OPHN1: variants seen among roughly 807,000 people sequenced by gnomAD.
OPHN1 encodes the protein oligophrenin 1, also known as oligophrenin-1.
OPHN1 carries 11 observed loss-of-function variants against 60.7 expected under a neutral mutation model. The observed-to-expected ratio is 0.18, with a 90% CI of 0.11 to 0.30. The LOEUF is 0.30. OPHN1 is among the 10% of genes least tolerant of loss of function. The pLI is 1.00. For missense variants in OPHN1, 449 were observed against 611.0 expected (o/e 0.73, Z 2.80); for synonymous variants, 226 against 222.6 (o/e 1.02, Z -0.14).
At chrX:68,279,176 A>G (rs1242756924) in intron 4 of OPHN1, among the ~76,000 whole-genome samples, 1 of 78,560 alleles carries the variant, frequency 1.3e-5, no homozygotes, top group African/African-American at 5.3e-5. Flanking sequence ...CAGTGGCATG[A>G]TCATGGCTCA....
intron 2 of OPHN1, among the ~76,000 whole-genome samples, chrX:68,362,217 T>C (rs1176705988): frequency 8.9e-6 from 1 of 112,038 alleles, no homozygotes; most frequent in Non-Finnish European, 1.9e-5. Flanking sequence ...ATCCTGACAT[T>C]TGCAACACAG....
At chrX:68,102,027 GTCT>G (rs1191951831) in intron 18 of OPHN1, 1 of 112,181 alleles carries the variant, frequency 8.9e-6, no homozygotes, top group Non-Finnish European at 1.9e-5. Flanking sequence ...AGGACAATTG[GTCT>G]TCTCTTGTTG....
At chrX:68,113,551 T>C (rs2147433007) in intron 16 of OPHN1, among the ~76,000 whole-genome samples, 1 of 110,859 alleles carries the variant, frequency 9.0e-6, no homozygotes, top group East Asian at 2.9e-4. Context: ...CCCTTACGAT[T>C]TGATAGATCC....
intron 23 of OPHN1, 127 bp from the exon 24 acceptor site, chrX:68,048,584 G>T: frequency 1.8e-6 from 1 of 563,061 alleles, no homozygotes; most frequent in Non-Finnish European, 3.0e-6. Context: ...AAGTGATTCA[G>T]CCCAGATGTT....
intron 18 of OPHN1, chrX:68,101,948 GAAGTA>G (rs1267633301): frequency 1.8e-5 from 2 of 111,934 alleles, no homozygotes; most frequent in African/African-American, 6.5e-5. Flanking sequence ...AAACATACAA[GAAGTA>G]GAGTAATTAG....
intron 19 of OPHN1, among the ~76,000 whole-genome samples, chrX:68,086,158 G>A (rs1244585139): frequency 2.0e-5 from 2 of 99,764 alleles, no homozygotes; most frequent in Non-Finnish European, 4.1e-5. Context: ...CAAACTGGGT[G>A]GCAGAAGTGG....
chrX:68,204,983 C>T (rs937665533), intron 10 of OPHN1, among the ~76,000 whole-genome samples: 1 of 111,962 alleles, frequency 8.9e-6, no homozygotes, highest in Non-Finnish European at 1.9e-5. Context: ...GACTGCAGGC[C>T]AGTGTTGCTT....
chrX:68,188,872 G>T (rs1332241622), intron 15 of OPHN1, among the ~76,000 whole-genome samples: 1 of 112,166 alleles, frequency 8.9e-6, no homozygotes, highest in Admixed American at 9.5e-5. Flanking sequence ...ATGACTGTAT[G>T]CATATTCCTA....
intron 15 of OPHN1, among the ~76,000 whole-genome samples, chrX:68,163,797 A>G (rs1007390261): frequency 1.8e-5 from 2 of 110,899 alleles, no homozygotes; most frequent in Non-Finnish European, 3.8e-5. Context: ...TGTGACGTGT[A>G]TCTCATTGTG....
At chrX:68,295,472 C>A (rs2078090211) in intron 3 of OPHN1, among the ~76,000 whole-genome samples, 1 of 112,238 alleles carries the variant, frequency 8.9e-6, no homozygotes, top group African/African-American at 3.2e-5. Flanking sequence ...ATGTGGAAAA[C>A]AGATGCTCAA....
intron 19 of OPHN1, among the ~76,000 whole-genome samples, chrX:68,085,167 G>A (rs992251899): frequency 9.8e-5 from 11 of 112,114 alleles, no homozygotes; most frequent in African/African-American, 3.6e-4. Context: ...TTTGGGAAGA[G>A]AAATGGAGCA....
At chrX:68,320,848 T>C (rs1280248665) in intron 2 of OPHN1, among the ~76,000 whole-genome samples, 1 of 111,738 alleles carries the variant, frequency 8.9e-6, no homozygotes, top group African/African-American at 3.3e-5. Context: ...TGTGTTCTAT[T>C]AATTTGATAG....
rs888869982 is a variant in OPHN1 at position 68,164,151 on chromosome X, T to A, written c.1276+28768A>T. Among the ~76,000 whole-genome samples, 84 of 111,373 alleles carry A rather than the reference T, an allele frequency of 7.5e-4. 2 individuals are homozygous for A. In the Admixed American group the frequency reaches 8.1e-3, roughly 11 times the overall value. ...ATGTGTCCAAGGTCAAAAAGCTAGA[T>A]AATCTAGCCAAAAGCACTCATAGTG... is the stretch of plus-strand genomic sequence containing the variant. On this transcript the variant is annotated intron_variant, in intron 15 of 24. Transcript: ENST00000355520.
chrX:68,283,005 T>C (rs2078025746), intron 4 of OPHN1, 51 bp downstream of exon 4: 2 of 975,515 alleles, frequency 2.1e-6, no homozygotes, highest in South Asian at 1.9e-5. Context: ...AAAGGAAAAA[T>C]CCCCTATATC....
chrX:68,275,965 T>G (rs1456084543), intron 4 of OPHN1, among the ~76,000 whole-genome samples: 1 of 111,293 alleles, frequency 9.0e-6, no homozygotes, highest in Non-Finnish European at 1.9e-5. Context: ...CCTGACATTC[T>G]GATCTACTGC....
At chrX:68,381,507 T>A (rs1396631640) in intron 2 of OPHN1, among the ~76,000 whole-genome samples, 1 of 111,405 alleles carries the variant, frequency 9.0e-6, no homozygotes, top group South Asian at 3.9e-4. Flanking sequence ...TGCACAAAGG[T>A]CTCCCAACCA....
intron 23 of OPHN1, among the ~76,000 whole-genome samples, chrX:68,049,413 T>C (rs1308661856): frequency 8.9e-6 from 1 of 111,887 alleles, no homozygotes; most frequent in Non-Finnish European, 1.9e-5. Flanking sequence ...AAGTTAGACT[T>C]TTCTCTTTCT....
At chrX:68,173,072 C>T (rs991099295) in intron 15 of OPHN1, among the ~76,000 whole-genome samples, 1 of 110,652 alleles carries the variant, frequency 9.0e-6, no homozygotes, top group African/African-American at 3.3e-5. Context: ...ACCTCCCCAT[C>T]GAGACGTTCA....
intron 15 of OPHN1, among the ~76,000 whole-genome samples, chrX:68,156,212 T>A (rs181011708): frequency 2.7e-5 from 3 of 109,908 alleles, no homozygotes; most frequent in South Asian, 7.8e-4. Context: ...AAAAAATCTT[T>A]TGGCAACCTA....
Sources: allele counts gnomAD v4.1 joint callset (sites outside exome capture counted in the v4.1 genomes callset), GRCh38; gene constraint gnomAD v4.1.1; transcripts MANE v1.5; gene names NCBI Gene and HGNC (gene_info 2026-07-23, HGNC 2026-07-21).